The following RHBDL3 variants were observed in gnomAD, a reference collection of about 807,000 sequenced individuals.
RHBDL3 encodes the protein rhomboid like 3, also known as rhomboid-related protein 3.
Under a neutral mutation model 48.2 loss-of-function variants are expected in RHBDL3, and 28 were observed. The observed-to-expected ratio is 0.58, with a 90% CI of 0.43 to 0.80. RHBDL3 has a LOEUF of 0.80. RHBDL3 is among the 30% of genes least tolerant of loss of function. The pLI, the probability that RHBDL3 is intolerant of heterozygous loss-of-function variation, is 0.00. For synonymous variants in RHBDL3, 208 were observed against 232.3 expected (o/e 0.90, Z 0.95); for missense variants, 464 against 542.7 (o/e 0.85, Z 1.44).
chr17:32,267,103 C>T (rs569370364), intron 1 of RHBDL3, among the ~76,000 whole-genome samples: 4 of 152,274 alleles, frequency 2.6e-5, no homozygotes, highest in South Asian at 2.1e-4. Context: ...CCTGCCCTGC[C>T]CACTCCTCCC....
chr17:32,297,103 G>C (rs1456960922), intron 5 of RHBDL3, among the ~76,000 whole-genome samples: 5 of 151,806 alleles, frequency 3.3e-5, no homozygotes, highest in Admixed American at 3.3e-4. Context: ...CACCTGTCTG[G>C]GCCTCCTGCA....
At position 32,299,428 on chromosome 17, in the gene RHBDL3, C is replaced by T. The variant is rs115380807; in HGVS notation, c.781+1224C>T. On this transcript the variant is annotated intron_variant, in intron 6 of 8. Coordinates refer to ENST00000269051, the MANE Select transcript of RHBDL3 (RefSeq NM_138328.3). ...CCCTCCCAGAATCCAAGGCTCACCA[C>T]GTCCTTGAATAAAGGGCTAATGAGC... Among the ~76,000 whole-genome samples the T allele has an allele frequency of 6.5e-3, 992 of 152,300 alleles. 15 individuals carry two copies. Among genetic ancestry groups the T allele is most frequent in the African/African-American group, 0.023 (955 of 41,566 alleles).
chr17:32,288,819 C>A lies in RHBDL3; in HGVS notation c.322C>A (p.Arg108Ser). The A allele has an allele frequency of 6.2e-7, 1 of 1,613,236 alleles. No homozygotes were observed. The highest frequency in any genetic ancestry group is 1.7e-4 in the Middle Eastern group (1 of 5,762). ...LMSNKRSNSF[R>S]QAILQGNRRL... Reference sequence around the variant, plus strand: ...GAGCAACAAGCGTTCCAACAGCTTCCGCCAAGCCATCCTGCAGGGCAACCG... The same window carrying A: ...GAGCAACAAGCGTTCCAACAGCTTCAGCCAAGCCATCCTGCAGGGCAACCG... The change falls in exon 4 of 9, where the codon CGC (arginine) becomes AGC (serine). Residue 108 changes from arginine to serine, a missense_variant. Arg to Ser is a moderately radical substitution (Grantham distance 110). Transcript: ENST00000269051.
intron 6 of RHBDL3, among the ~76,000 whole-genome samples, chr17:32,300,109 C>T (rs1253004852): frequency 1.3e-5 from 2 of 152,230 alleles, no homozygotes; most frequent in Admixed American, 1.3e-4. Context: ...GCTTAGATGG[C>T]TAAGTGGCTC....
intron 8 of RHBDL3, among the ~76,000 whole-genome samples, chr17:32,316,665 T>C (rs1304957969): frequency 2.0e-5 from 3 of 151,650 alleles, no homozygotes; most frequent in African/African-American, 7.3e-5. Context: ...ACTACACATG[T>C]GTGGGTCCAT....
intron 7 of RHBDL3, among the ~76,000 whole-genome samples, chr17:32,312,095 A>T (rs2040859508): frequency 6.6e-6 from 1 of 152,226 alleles, no homozygotes; most frequent in Non-Finnish European, 1.5e-5. Flanking sequence ...ACTTTGCCTG[A>T]TATTATCACT....
chr17:32,272,672 C>A (rs1357411421), intron 2 of RHBDL3, among the ~76,000 whole-genome samples: 1 of 152,230 alleles, frequency 6.6e-6, no homozygotes, highest in East Asian at 1.9e-4. Context: ...ATCAGCTATA[C>A]TGACATTAAC....
intron 7 of RHBDL3, among the ~76,000 whole-genome samples, chr17:32,306,833 A>G (rs2040722415): frequency 6.6e-6 from 1 of 152,258 alleles, no homozygotes; most frequent in Non-Finnish European, 1.5e-5. Context: ...TGGCTGGAGA[A>G]TCAGTTGAGC....
At chr17:32,267,810 G>A in intron 1 of RHBDL3, 92 bp from the exon 2 acceptor site, 1 of 1,604,092 alleles carries the variant, frequency 6.2e-7, no homozygotes, top group East Asian at 2.2e-5. Flanking sequence ...GGCTATGTCA[G>A]AAACATCCGA....
At chr17:32,311,838 C>T (rs908825370) in intron 7 of RHBDL3, among the ~76,000 whole-genome samples, 11 of 152,182 alleles carry the variant, frequency 7.2e-5, no homozygotes, top group African/African-American at 2.4e-4. Flanking sequence ...TAGTGCTTTA[C>T]ATATATTAAT....
At chr17:32,302,976 C>A (rs1042560980) in intron 6 of RHBDL3, among the ~76,000 whole-genome samples, 1 of 152,200 alleles carries the variant, frequency 6.6e-6, no homozygotes, top group Non-Finnish European at 1.5e-5. Context: ...AAGCCTTAGA[C>A]CTCATTTTAT....
chr17:32,311,839 A>G (rs1398748058), intron 7 of RHBDL3, among the ~76,000 whole-genome samples: 3 of 152,306 alleles, frequency 2.0e-5, no homozygotes, highest in South Asian at 4.1e-4. Flanking sequence ...AGTGCTTTAC[A>G]TATATTAATT....
At chr17:32,309,517 A>C (rs1456163573) in intron 7 of RHBDL3, among the ~76,000 whole-genome samples, 1 of 152,042 alleles carries the variant, frequency 6.6e-6, no homozygotes, top group African/African-American at 2.4e-5. Context: ...ACGCCATTGC[A>C]CTCCAACCTG....
chr17:32,273,201 C>T (rs2039815012), intron 2 of RHBDL3, among the ~76,000 whole-genome samples: 3 of 152,178 alleles, frequency 2.0e-5, no homozygotes, highest in Admixed American at 1.3e-4. Flanking sequence ...GGGGTTTCAC[C>T]ACTTTGGCCA....
At chr17:32,278,693 C>T (rs1220201339) in intron 2 of RHBDL3, among the ~76,000 whole-genome samples, 1 of 152,210 alleles carries the variant, frequency 6.6e-6, no homozygotes, top group East Asian at 1.9e-4. Flanking sequence ...CAACCCAGCT[C>T]TTGGTGCCTT....
intron 6 of RHBDL3, 118 bp downstream of exon 6, chr17:32,298,322 G>C: frequency 1.6e-6 from 1 of 623,332 alleles, no homozygotes; most frequent in Non-Finnish European, 2.8e-6. Flanking sequence ...CATCTCCAAG[G>C]CTCCTGACTT....
In RHBDL3 at chr17:32,266,291, G is replaced by A; in HGVS notation, c.102G>A (p.Ala34=). 1.4e-6 allele frequency: 2 copies of A among 1,462,000 alleles called. No homozygotes were observed. Among genetic ancestry groups the A allele is most frequent in the Non-Finnish European group, 1.8e-6 (2 of 1,111,906 alleles). The allele number at this position is 1,462,000 out of a possible 1,614,324, so 90.6% of individuals were successfully genotyped here. The part of the protein sequence containing the change: ...EPEAEERLPA[A]PEDHWKVLFD... The stretch of plus-strand genomic sequence containing the variant: ...AGGCCGAGGAGCGGCTGCCCGCGGC[G>A]CCGGAGGACGTGAGTGCCCCCTCCC... The change falls in exon 1 of 9, where the codon GCG becomes GCA. Residue 34 remains alanine, a synonymous_variant. Transcript: ENST00000269051.
intron 6 of RHBDL3, among the ~76,000 whole-genome samples, chr17:32,299,815 G>A (rs541529961): frequency 8.5e-5 from 13 of 152,126 alleles, no homozygotes; most frequent in East Asian, 5.8e-4. Flanking sequence ...AGCACATGGC[G>A]TGCACTGTTC....
At chr17:32,308,455 C>T (rs1430129626) in intron 7 of RHBDL3, among the ~76,000 whole-genome samples, 1 of 152,008 alleles carries the variant, frequency 6.6e-6, no homozygotes, top group Non-Finnish European at 1.5e-5. Context: ...GTGTCATGCA[C>T]CTGTGGTTCC....
Sources: allele counts gnomAD v4.1 joint callset (sites outside exome capture counted in the v4.1 genomes callset), GRCh38; gene constraint gnomAD v4.1.1; transcripts MANE v1.5; gene names NCBI Gene and HGNC (gene_info 2026-07-23, HGNC 2026-07-21).